The following PCDHGA7 variants were observed in gnomAD, a reference collection of about 807,000 sequenced individuals.
PCDHGA7 encodes the protein protocadherin gamma subfamily A, 7.
A neutral mutation model predicts 58.3 loss-of-function variants in PCDHGA7; 44 were observed. The ratio of observed to expected loss-of-function variants is 0.75; its 90% CI spans 0.59 to 0.97. The LOEUF is 0.97. Ranked by LOEUF, PCDHGA7 falls within the 50% of genes least tolerant of loss-of-function variation. PCDHGA7 has a pLI of 0.00. For missense variants in PCDHGA7, 1,266 were observed against 1,188.7 expected, an observed-to-expected ratio of 1.06 and a Z score of -0.96; for synonymous variants, 516 against 504.2, an observed-to-expected ratio of 1.02 and a Z score of -0.31.
intron 1 of PCDHGA7, chr5:141,413,354 C>T: frequency 6.2e-7 from 1 of 1,613,974 alleles, no homozygotes; most frequent in South Asian, 1.1e-5. Flanking sequence ...GGTCTGGCGC[C>T]CCGGGAGCTG....
Position 141,491,307 on chromosome 5 carries a change from C to CCTTA in PCDHGA7, c.2425-3498_2425-3495dup. On this transcript the variant is annotated intron_variant, in intron 1 of 3. Transcript: ENST00000518325. The surrounding 1 kb of genome is among the most constrained non-coding windows in gnomAD (Gnocchi z 6.9). ...TCATACACCCTCCTGAGCGTTCAGA[C>CCTTA]CTTACCCTTTACCTCATTGTGGCTC... 1 of 1,614,152 alleles carries CCTTA rather than the reference C, an allele frequency of 6.2e-7. No individual in the cohort carries two copies. Among genetic ancestry groups the CCTTA allele is most frequent in the Non-Finnish European group, 8.5e-7 (1 of 1,179,986 alleles).
intron 1 of PCDHGA7, chr5:141,409,339 T>G: frequency 6.2e-7 from 1 of 1,613,954 alleles, no homozygotes; most frequent in South Asian, 1.1e-5. Context: ...TCGGAGGAAA[T>G]GGAGAAGTCA....
At chr5:141,410,619 C>G in intron 1 of PCDHGA7, 1 of 1,603,732 alleles carries the variant, frequency 6.2e-7, no homozygotes, top group Admixed American at 1.7e-5. Context: ...ACTCTGACTT[C>G]GGTGAGTTTC....
intron 1 of PCDHGA7, chr5:141,478,072 G>A (rs752905249): frequency 6.2e-7 from 1 of 1,614,048 alleles, no homozygotes; most frequent in Admixed American, 1.7e-5. Flanking sequence ...AAGACAATGG[G>A]GAGCCTTCGC....
In PCDHGA7 at chr5:141,486,036, G is replaced by A. The variant is rs773301300; in HGVS notation, c.2425-8771G>A. ...TATTTCAGTGGTCATACCCCTGATC[G>A]TGTAAGAAACCTCTTTAGCCTGCAC... On this transcript the variant is annotated intron_variant, in intron 1 of 3. Transcript: ENST00000518325. This position sits in a 1 kb window ranked among gnomAD's most constrained non-coding sequence, Gnocchi z 5.0. 2.5e-6 allele frequency: 4 copies of A among 1,614,048 alleles called. No individual in the cohort carries two copies. Among genetic ancestry groups the A allele is most frequent in the Admixed American group, 1.7e-5 (1 of 60,004 alleles).
chr5:141,438,613 TATATATATATATATATATATATAC>T (rs1240061633), intron 1 of PCDHGA7, among the ~76,000 whole-genome samples: 627 of 36,484 alleles, frequency 0.017, 21 homozygotes, highest in African/African-American at 0.051. Flanking sequence ...TATATATATA[TATATATATATATATATATATATAC>T]ACACACACAC....
At chr5:141,420,062 T>G (rs759817545) in intron 1 of PCDHGA7, 1 of 1,614,066 alleles carries the variant, frequency 6.2e-7, no homozygotes, top group Non-Finnish European at 8.5e-7. Context: ...CTGCTCCAAG[T>G]CCGGACCTGT....
rs770235234 is a variant in PCDHGA7 at position 141,422,145 on chromosome 5, G to T, written c.2424+36822G>T. On this transcript the variant is annotated intron_variant, in intron 1 of 3. Coordinates refer to ENST00000518325, the MANE Select transcript of PCDHGA7 (RefSeq NM_018920.4). Reference sequence around the variant, plus strand: ...AAACTGGAGAAGTTCAAGTACGGGGGTCTCTGGATTTTGAAAAATATAGAT... The same window carrying T: ...AAACTGGAGAAGTTCAAGTACGGGGTTCTCTGGATTTTGAAAAATATAGAT... The T allele has an allele frequency of 8.2e-6, 13 of 1,580,608 alleles. No individual in the cohort carries two copies. The African/African-American group carries it at 1.5e-4, about 18-fold the overall frequency.
At position 141,383,787 on chromosome 5, in the gene PCDHGA7, G is replaced by A. The variant is rs773505278; in HGVS notation, c.888G>A (p.Ser296=). 12 of 1,613,832 alleles carry A rather than the reference G, an allele frequency of 7.4e-6. No homozygotes were observed. In the South Asian group the frequency reaches 7.7e-5, roughly 10 times the overall value. Residue 296 remains serine (S), a synonymous_variant, in exon 1 of 4, where the codon TCG becomes TCA. Transcript: ENST00000518325. ...TTCCAAAGATGTTTCATCTGAACTC[G>A]CTTACAGGAGAAATATCAACTTTAG... ...PKLPKMFHLN[S]LTGEISTLEG... is the part of the protein sequence containing the mutation.
chr5:141,467,295 C>T (rs2099141170), intron 1 of PCDHGA7, among the ~76,000 whole-genome samples: 1 of 152,114 alleles, frequency 6.6e-6, no homozygotes, highest in South Asian at 2.1e-4. Flanking sequence ...TCAAGTGATC[C>T]ACTCACCTCG....
chr5:141,458,597 T>C (rs940896214), intron 1 of PCDHGA7, among the ~76,000 whole-genome samples: 18 of 151,988 alleles, frequency 1.2e-4, no homozygotes, highest in Non-Finnish European at 2.4e-4. Context: ...TGGAGACGAG[T>C]CTCACTCTGT....
rs1308417984 is a variant in PCDHGA7, at chr5:141,385,042, A to C, written c.2143A>C (p.Arg715=). ...CTTCGTCCTCGTACTGCTGGCGCTC[A>C]GGCTGCGGCGCTGGCACAAGTCACG... ...LAFVLVLLAL[R]LRRWHKSRLL... Residue 715 remains arginine, a synonymous_variant, in exon 1 of 4, where the codon AGG becomes CGG. Coordinates refer to ENST00000518325, the MANE Select transcript of PCDHGA7 (RefSeq NM_018920.4). 1 of 1,614,150 alleles carries C rather than the reference A, an allele frequency of 6.2e-7. No homozygotes were observed. Among genetic ancestry groups the C allele is most frequent in the Non-Finnish European group, 8.5e-7 (1 of 1,180,046 alleles).
chr5:141,439,441 T>C (rs2098112892), intron 1 of PCDHGA7, among the ~76,000 whole-genome samples: 2 of 152,348 alleles, frequency 1.3e-5, no homozygotes, highest in South Asian at 4.1e-4. Context: ...GAATATTTTA[T>C]TGCGGGAGCA....
chr5:141,489,804 G>A lies in PCDHGA7; in HGVS notation c.2425-5003G>A, dbSNP rs2099692572. 1 of 1,614,056 alleles carries A rather than the reference G, an allele frequency of 6.2e-7. No homozygotes were observed. The highest frequency in any genetic ancestry group is 1.3e-5 in the African/African-American group (1 of 74,932). ...TGAATGTGAAGACCCTAAAAGATGG[G>A]AAGCCATTCCCAGAGCTGGTGCTAG... On this transcript the variant is annotated intron_variant, in intron 1 of 3. Transcript: ENST00000518325. The surrounding 1 kb of genome is among the most constrained non-coding windows in gnomAD (Gnocchi z 4.5).
chr5:141,399,697 T>C, intron 1 of PCDHGA7: 1 of 1,613,436 alleles, frequency 6.2e-7, no homozygotes. Context: ...GCTGCGCACC[T>C]TCGAACTCAC....
At chr5:141,407,856 G>A (rs1038275806) in intron 1 of PCDHGA7, among the ~76,000 whole-genome samples, 2 of 152,210 alleles carry the variant, frequency 1.3e-5, no homozygotes, top group African/African-American at 4.8e-5. Context: ...ATGTACACCT[G>A]CATTTTCGAA....
chr5:141,482,000 G>A (rs1421859839), intron 1 of PCDHGA7, among the ~76,000 whole-genome samples: 8 of 150,854 alleles, frequency 5.3e-5, no homozygotes, highest in East Asian at 1.9e-4. Flanking sequence ...CAGGAGAATC[G>A]CTTTATCTCA....
At chr5:141,422,716 G>A (rs1348237465) in intron 1 of PCDHGA7, 1 of 1,604,378 alleles carries the variant, frequency 6.2e-7, no homozygotes, top group Non-Finnish European at 8.5e-7. Flanking sequence ...GGATGACACT[G>A]TCCAGGGGGT....
At chr5:141,421,776 G>A in intron 1 of PCDHGA7, 5 of 1,613,876 alleles carry the variant, frequency 3.1e-6, no homozygotes, top group Non-Finnish European at 3.4e-6. Context: ...CCTTGCAACT[G>A]CGGGGCAGAA....
Sources: allele counts gnomAD v4.1 joint callset (sites outside exome capture counted in the v4.1 genomes callset), GRCh38; gene constraint gnomAD v4.1.1; non-coding constraint Gnocchi (gnomAD v3.1); transcripts MANE v1.5; gene names NCBI Gene and HGNC (gene_info 2026-07-23, HGNC 2026-07-21).